The following CSMD1 variants were observed in gnomAD, a reference collection of about 807,000 sequenced individuals.
CSMD1 encodes CUB and sushi domain-containing protein 1.
CSMD1 carries 213 observed loss-of-function variants against 417.5 expected under a neutral mutation model. That is an observed-to-expected ratio of 0.51 (90% confidence interval 0.46 to 0.57). CSMD1 has a LOEUF of 0.57. Ranked by LOEUF, CSMD1 falls within the 20% of genes least tolerant of loss-of-function variation. The probability of loss-of-function intolerance (pLI) is 0.00; values close to 1 mark genes in which losing one functional copy is unlikely to be tolerated. For missense variants in CSMD1, 6,923 were observed against 4,529.7 expected (o/e 1.53, Z -15.17); for synonymous variants, 2,862 against 1,736.8 (o/e 1.65, Z -16.11).
In CSMD1 at chr8:3,656,390, T is replaced by A. The variant is rs189625005; in HGVS notation, c.1010-39593A>T. On this transcript the variant is annotated intron_variant, in intron 7 of 69. Coordinates refer to ENST00000635120, the MANE Select transcript of CSMD1 (RefSeq NM_033225.6). Reference sequence around the variant, plus strand: ...TTGATAGATGACACCTGCTTTCTCTTTTTTTTTCCTCTCAGTGCATCACCT... The same window carrying A: ...TTGATAGATGACACCTGCTTTCTCTATTTTTTTCCTCTCAGTGCATCACCT... Among the ~76,000 whole-genome samples, 5 of 152,082 alleles carry A rather than the reference T, an allele frequency of 3.3e-5. 1 individual carries two copies. The East Asian group carries it at 9.7e-4, about 29-fold the overall frequency.
intron 3 of CSMD1, among the ~76,000 whole-genome samples, chr8:4,155,492 G>C (rs565855790): frequency 1.1e-4 from 17 of 152,268 alleles, no homozygotes; most frequent in African/African-American, 4.1e-4. Flanking sequence ...TTAAACAAGG[G>C]AAAGTATCGT....
intron 2 of CSMD1, among the ~76,000 whole-genome samples, chr8:4,458,472 A>G (rs1037279521): frequency 1.3e-5 from 2 of 152,212 alleles, no homozygotes; most frequent in South Asian, 4.1e-4. Context: ...TGTAACTACT[A>G]TTGCTAAGCA....
chr8:3,596,233 C>G (rs1801088243), intron 8 of CSMD1, among the ~76,000 whole-genome samples: 1 of 152,308 alleles, frequency 6.6e-6, no homozygotes, highest in Non-Finnish European at 1.5e-5. Context: ...CACCACCGTC[C>G]AGCTCACACC....
In CSMD1 at chr8:2,995,427, C is replaced by T. The variant is rs140968205; in HGVS notation, c.8377+2584G>A. On this transcript the variant is annotated intron_variant, in intron 54 of 69. Coordinates refer to ENST00000635120, the MANE Select transcript of CSMD1 (RefSeq NM_033225.6). ...TGGACAGGATGTAGAGAAACTTCAT[C>T]GCCCACACATGTTGGGTAGGGATGA... 1.3e-3 allele frequency among the ~76,000 whole-genome samples: 193 copies of T among 152,320 alleles called. 1 individual carries two copies. The highest frequency in any genetic ancestry group is 4.0e-3 in the African/African-American group (168 of 41,572).
chr8:3,471,457 A>G (rs753767837), intron 11 of CSMD1, among the ~76,000 whole-genome samples: 1 of 152,144 alleles, frequency 6.6e-6, no homozygotes, highest in Non-Finnish European at 1.5e-5. Context: ...GGCTTTCTAT[A>G]TATCAAGTTT....
At chr8:4,133,723 G>C (rs1357248602) in intron 3 of CSMD1, among the ~76,000 whole-genome samples, 1 of 151,456 alleles carries the variant, frequency 6.6e-6, no homozygotes, top group South Asian at 2.1e-4. Flanking sequence ...TCTCAAGACT[G>C]TTTATGGTTA....
chr8:4,652,727 G>A (rs1202611595), intron 1 of CSMD1, among the ~76,000 whole-genome samples: 1 of 152,258 alleles, frequency 6.6e-6, no homozygotes, highest in East Asian at 1.9e-4. Context: ...AAGCTCTAGA[G>A]CAGCAGTCTC....
At chr8:4,570,121 A>G (rs1291505529) in intron 2 of CSMD1, among the ~76,000 whole-genome samples, 1 of 151,876 alleles carries the variant, frequency 6.6e-6, no homozygotes, top group African/African-American at 2.4e-5. Flanking sequence ...CTAATTGAAT[A>G]CTCTTTCTTT....
chr8:3,191,283 C>T (rs971518381), intron 33 of CSMD1, among the ~76,000 whole-genome samples: 1 of 152,116 alleles, frequency 6.6e-6, no homozygotes, highest in East Asian at 1.9e-4. Flanking sequence ...GGTGAAACCC[C>T]CGTCTCTACT....
intron 8 of CSMD1, among the ~76,000 whole-genome samples, chr8:3,615,449 C>A (rs1177260175): frequency 6.6e-6 from 1 of 152,126 alleles, no homozygotes; most frequent in Non-Finnish European, 1.5e-5. Context: ...CAAGCTCTGC[C>A]TCAAATGGAT....
chr8:4,607,548 G>C (rs1800941951), intron 2 of CSMD1, among the ~76,000 whole-genome samples: 1 of 152,084 alleles, frequency 6.6e-6, no homozygotes, highest in Non-Finnish European at 1.5e-5. Context: ...TTTGACCTAG[G>C]TTTCAACAAG....
chr8:4,194,297 C>T (rs1005964874), intron 3 of CSMD1, among the ~76,000 whole-genome samples: 7 of 152,070 alleles, frequency 4.6e-5, no homozygotes, highest in Admixed American at 2.6e-4. Context: ...TAAAATGTTC[C>T]CAAGTCATTC....
At chr8:4,724,429 A>G (rs1223702038) in intron 1 of CSMD1, among the ~76,000 whole-genome samples, 1 of 151,992 alleles carries the variant, frequency 6.6e-6, no homozygotes, top group Non-Finnish European at 1.5e-5. Flanking sequence ...TAAATATACA[A>G]ATAACAGATT....
chr8:3,183,177 C>G (rs1452524272), intron 36 of CSMD1: 1 of 133,592 alleles, frequency 7.5e-6, no homozygotes, highest in Non-Finnish European at 1.7e-5. Context: ...GAGTAGGTCT[C>G]TAACGCCTAA....
intron 33 of CSMD1, among the ~76,000 whole-genome samples, chr8:3,198,051 C>T (rs1370227877): frequency 6.6e-6 from 1 of 152,078 alleles, no homozygotes; most frequent in Non-Finnish European, 1.5e-5. Flanking sequence ...AATAAATTTC[C>T]TCTATAAATG....
Position 3,377,577 on chromosome 8 carries a change from G to A in CSMD1, c.2783-8207C>T, listed in dbSNP as rs547865542. 1.9e-4 allele frequency among the ~76,000 whole-genome samples: 29 copies of A among 152,038 alleles called. No individual in the cohort carries two copies. In the South Asian group the frequency reaches 4.6e-3, roughly 24 times the overall value. ...GCTCTTTTTGGTCTATTCCCACTCC[G>A]TTTCTCCTAAATCATTTTCCTATTG... On this transcript the variant is annotated intron_variant, in intron 18 of 69. Coordinates refer to ENST00000635120, the MANE Select transcript of CSMD1 (RefSeq NM_033225.6).
At chr8:4,322,007 CA>C (rs1202772997) in intron 3 of CSMD1, among the ~76,000 whole-genome samples, 3 of 151,856 alleles carry the variant, frequency 2.0e-5, no homozygotes, top group Admixed American at 1.3e-4. Context: ...AGAAGAAAAT[CA>C]AAAAAGCTAT....
At chr8:4,170,720 AT>A (rs929099890) in intron 3 of CSMD1, among the ~76,000 whole-genome samples, 106 of 148,486 alleles carry the variant, frequency 7.1e-4, no homozygotes, top group East Asian at 4.1e-3. Flanking sequence ...TAGCATGTGG[AT>A]TTTTTTTTTT....
At chr8:3,662,219 G>C (rs937444372) in intron 7 of CSMD1, among the ~76,000 whole-genome samples, 3 of 152,184 alleles carry the variant, frequency 2.0e-5, no homozygotes, top group South Asian at 2.1e-4. Flanking sequence ...GTGGGTTTAG[G>C]AAAACACAGT....
Sources: allele counts gnomAD v4.1 joint callset (sites outside exome capture counted in the v4.1 genomes callset), GRCh38; gene constraint gnomAD v4.1.1; transcripts MANE v1.5; gene names NCBI Gene and HGNC (gene_info 2026-07-23, HGNC 2026-07-21).